Variants in NKAIN3 observed in about 807,000 individuals in gnomAD.
NKAIN3 encodes sodium/potassium transporting ATPase interacting 3.
Under a neutral mutation model 30.2 loss-of-function variants are expected in NKAIN3, and 25 were observed. The ratio of observed to expected loss-of-function variants is 0.83; its 90% confidence interval spans 0.60 to 1.16. NKAIN3 has a LOEUF of 1.16. NKAIN3 is among the 50% of genes most tolerant of loss of function. The pLI, the probability that NKAIN3 is intolerant of heterozygous loss-of-function variation, is 0.00. For synonymous variants in NKAIN3, 91 were observed against 89.6 expected, an observed-to-expected ratio of 1.02 and a Z score of -0.09; for missense variants, 225 against 254.1, an observed-to-expected ratio of 0.89 and a Z score of 0.78.
chr8:62,366,075 T>C (rs944396821), intron 1 of NKAIN3, among the ~76,000 whole-genome samples: 1 of 152,222 alleles, frequency 6.6e-6, no homozygotes, highest in African/African-American at 2.4e-5. Context: ...TTCAATCTCC[T>C]TACTCACTAT....
intron 1 of NKAIN3, among the ~76,000 whole-genome samples, chr8:62,373,663 T>TA (rs752379905): frequency 3.3e-5 from 5 of 151,462 alleles, no homozygotes; most frequent in Non-Finnish European, 7.4e-5. Flanking sequence ...GTCAAACACT[T>TA]ACTTAAAAGA....
chr8:62,855,305 C>A lies in NKAIN3; in HGVS notation c.472-63148C>A. On this transcript the variant is annotated intron_variant, in intron 4 of 6. Transcript: ENST00000623646. ...GGCAGCTGGTCACACAGCCTCTGGT[C>A]AGGCCTGGAAGTGCTCAGAGAGAAC... 5.6e-6 allele frequency: 3 copies of A among 534,562 alleles called. No homozygotes were observed. In the South Asian group the frequency reaches 6.0e-5, roughly 11 times the overall value. The allele number at this position is 534,562 out of a possible 1,614,324, so 33.1% of individuals were successfully genotyped here.
intron 1 of NKAIN3, among the ~76,000 whole-genome samples, chr8:62,338,316 A>G (rs1262619466): frequency 6.6e-6 from 1 of 152,064 alleles, no homozygotes; most frequent in Non-Finnish European, 1.5e-5. Flanking sequence ...TACCATTAAT[A>G]TACAATTATA....
At chr8:62,540,215 C>T (rs1808795681) in intron 1 of NKAIN3, among the ~76,000 whole-genome samples, 1 of 152,134 alleles carries the variant, frequency 6.6e-6, no homozygotes, top group South Asian at 2.1e-4. Context: ...ACCTCCAAAT[C>T]ACTCAAAAAT....
At chr8:62,321,817 C>T (rs1447919184) in intron 1 of NKAIN3, among the ~76,000 whole-genome samples, 1 of 152,148 alleles carries the variant, frequency 6.6e-6, no homozygotes, top group Non-Finnish European at 1.5e-5. Context: ...TCTCAGATCT[C>T]CAGCTGCGTG....
intron 3 of NKAIN3, among the ~76,000 whole-genome samples, chr8:62,704,393 T>C (rs2130476103): frequency 6.6e-6 from 1 of 152,298 alleles, no homozygotes; most frequent in East Asian, 1.9e-4. Context: ...TAGTCCTTTT[T>C]TCTAGAGAAG....
intron 1 of NKAIN3, among the ~76,000 whole-genome samples, chr8:62,371,365 T>G (rs1816903383): frequency 6.6e-6 from 1 of 151,974 alleles, no homozygotes; most frequent in South Asian, 2.1e-4. Context: ...TAAGAACTTT[T>G]TAAACCTTCT....
chr8:62,366,357 G>C (rs1366346024), intron 1 of NKAIN3, among the ~76,000 whole-genome samples: 1 of 151,934 alleles, frequency 6.6e-6, no homozygotes, highest in Admixed American at 6.6e-5. Flanking sequence ...ATCCCGAGTA[G>C]CTGGGATTAC....
At chr8:62,577,970 C>T (rs1365160918) in intron 1 of NKAIN3, among the ~76,000 whole-genome samples, 1 of 151,906 alleles carries the variant, frequency 6.6e-6, no homozygotes, top group Non-Finnish European at 1.5e-5. Context: ...TTCTTTATGT[C>T]CAAGGAAATT....
chr8:62,259,980 A>G (rs927074100), intron 1 of NKAIN3, among the ~76,000 whole-genome samples: 10 of 152,172 alleles, frequency 6.6e-5, no homozygotes, highest in African/African-American at 1.7e-4. Flanking sequence ...GGCAGTGTTA[A>G]TGATATTATT....
At chr8:62,765,058 T>C (rs1266982927) in intron 4 of NKAIN3, among the ~76,000 whole-genome samples, 3 of 151,672 alleles carry the variant, frequency 2.0e-5, no homozygotes, top group Admixed American at 2.0e-4. Flanking sequence ...GTCTGGCCAA[T>C]ATAGTGAAAC....
chr8:62,273,974 A>T (rs1438524221), intron 1 of NKAIN3, among the ~76,000 whole-genome samples: 1 of 152,154 alleles, frequency 6.6e-6, no homozygotes, highest in East Asian at 1.9e-4. Context: ...AAACATTCCA[A>T]GATTTAGTAA....
chr8:62,741,672 T>C (rs1815896994), intron 3 of NKAIN3, among the ~76,000 whole-genome samples: 1 of 152,236 alleles, frequency 6.6e-6, no homozygotes, highest in South Asian at 2.1e-4. Context: ...TTTACCACTC[T>C]TTTTCCAAAT....
At chr8:62,567,143 C>T (rs1243078986) in intron 1 of NKAIN3, among the ~76,000 whole-genome samples, 3 of 151,994 alleles carry the variant, frequency 2.0e-5, no homozygotes, top group Non-Finnish European at 4.4e-5. Flanking sequence ...ATGAAAACTT[C>T]CAGTGGATTC....
intron 1 of NKAIN3, among the ~76,000 whole-genome samples, chr8:62,557,641 C>T (rs1809447383): frequency 6.6e-6 from 1 of 152,086 alleles, no homozygotes; most frequent in Non-Finnish European, 1.5e-5. Flanking sequence ...TTTTGTTTTG[C>T]ATTTCCCTGA....
chr8:62,496,883 C>T (rs1039085366), intron 1 of NKAIN3, among the ~76,000 whole-genome samples: 2 of 152,068 alleles, frequency 1.3e-5, no homozygotes, highest in Non-Finnish European at 2.9e-5. Flanking sequence ...CGTACGTGGC[C>T]TCCAATTTTC....
intron 1 of NKAIN3, among the ~76,000 whole-genome samples, chr8:62,446,668 C>T (rs1307732286): frequency 6.6e-6 from 1 of 152,076 alleles, no homozygotes; most frequent in Non-Finnish European, 1.5e-5. Context: ...TACTTTCTAT[C>T]TGTATGGATT....
intron 1 of NKAIN3, among the ~76,000 whole-genome samples, chr8:62,387,759 G>C (rs1481314087): frequency 6.6e-6 from 1 of 152,134 alleles, no homozygotes; most frequent in Non-Finnish European, 1.5e-5. Flanking sequence ...CAGTAGATTA[G>C]ATTAAATCTA....
At chr8:62,371,877 A>T (rs1472313091) in intron 1 of NKAIN3, among the ~76,000 whole-genome samples, 2 of 151,948 alleles carry the variant, frequency 1.3e-5, no homozygotes, top group Non-Finnish European at 2.9e-5. Context: ...TTCAGTTCCC[A>T]TGGTAAATTA....
Sources: gnomAD v4.1 joint callset for allele counts (sites outside exome capture counted in the v4.1 genomes callset) on GRCh38, gnomAD v4.1.1 for gene constraint, MANE v1.5 for transcripts, NCBI Gene and HGNC (gene_info 2026-07-23, HGNC 2026-07-21) for gene names.